Variants in BBS9 observed in about 807,000 individuals in gnomAD.
BBS9 encodes protein PTHB1.
In BBS9, 89 loss-of-function variants were observed where a neutral mutation model predicts 117.7. The ratio of observed to expected loss-of-function variants is 0.76; its 90% confidence interval spans 0.64 to 0.90. BBS9 has a LOEUF of 0.90. Among genes scored for constraint, BBS9 ranks in the 40% least tolerant of loss-of-function variants. BBS9 has a pLI of 0.00. For synonymous variants in BBS9, 379 were observed against 370.9 expected, an observed-to-expected ratio of 1.02 and a Z score of -0.25; for missense variants, 982 against 1,042.2, an observed-to-expected ratio of 0.94 and a Z score of 0.80.
chr7:33,290,748 T>C (rs183899000), intron 9 of BBS9, among the ~76,000 whole-genome samples: 9 of 152,212 alleles, frequency 5.9e-5, no homozygotes, highest in Non-Finnish European at 1.0e-4. Context: ...GTATAGAAAT[T>C]TTTTTATGAC....
Position 33,254,512 on chromosome 7 carries a change from C to A in BBS9, c.443-2724C>A. On this transcript the variant is annotated intron_variant, in intron 5 of 22. Transcript: ENST00000242067. The stretch of plus-strand genomic sequence containing the variant: ...ATGGATCACTTCTCATAATTATCTT[C>A]TTTTTTGTGATGAGAACAAAGATCT... Among the ~76,000 whole-genome samples, 2 of 152,112 alleles carry A rather than the reference C, an allele frequency of 1.3e-5. 1 individual carries two copies.
intron 21 of BBS9, among the ~76,000 whole-genome samples, chr7:33,582,621 G>A (rs553482825): frequency 6.6e-6 from 1 of 152,038 alleles, no homozygotes; most frequent in East Asian, 1.9e-4. Flanking sequence ...TTGCCCTTCA[G>A]GTTCTATTTC....
chr7:33,593,352 G>A (rs559821336), intron 21 of BBS9, among the ~76,000 whole-genome samples: 8 of 152,112 alleles, frequency 5.3e-5, no homozygotes, highest in Non-Finnish European at 1.2e-4. Context: ...TTGTTAACAT[G>A]TGTAAAAACC....
rs1448596248 is a variant in BBS9 at position 33,257,499 on chromosome 7, CA to C, written c.617+92del. 6.0e-6 allele frequency: 6 copies of C among 996,288 alleles called. No homozygotes were observed. In the African/African-American group the frequency reaches 1.0e-4, roughly 17 times the overall value. 61.7% of individuals were successfully genotyped at this position (996,288 alleles called of 1,614,324 possible). A position where few individuals can be genotyped will look rare whatever the true frequency, so the allele number is the denominator to read the frequency against. On this transcript the variant is annotated intron_variant, in intron 6 of 22. Transcript: ENST00000242067. Reference sequence around the variant, plus strand: ...TTGTCCACAAAGAGCTTCAATATCACAAATGAAAAAGAGATCGGTTTCTTTG... The same window carrying C: ...TTGTCCACAAAGAGCTTCAATATCACAATGAAAAAGAGATCGGTTTCTTTG...
Position 33,357,993 on chromosome 7 carries a change from C to G in BBS9, c.1691C>G (p.Pro564Arg). 6.2e-7 allele frequency: 1 copy of G among 1,611,812 alleles called. No homozygotes were observed. The highest frequency in any genetic ancestry group is 8.5e-7 in the Non-Finnish European group (1 of 1,178,528). The change falls in exon 16 of 23, where the codon CCA becomes CGA. Residue 564 changes from proline to arginine, a missense_variant and splice_region_variant. By Grantham distance (103) the Pro-to-Arg change is moderately radical. Transcript: ENST00000242067. ...CCAGTCAGTCTTCTTAGTCTCTTCC[C>G]AGGTAAGACTGTTGAAATAACATGC... is the stretch of plus-strand genomic sequence containing the variant. ...KSPVSLLSLF[P>R]GFASQSDDDQ...
intron 21 of BBS9, among the ~76,000 whole-genome samples, chr7:33,567,513 C>A (rs1417111828): frequency 1.3e-5 from 2 of 152,132 alleles, no homozygotes; most frequent in African/African-American, 4.8e-5. Context: ...TTGGCTGCTC[C>A]TTCTCAGCCT....
chr7:33,402,215 A>G (rs116288023), intron 19 of BBS9, among the ~76,000 whole-genome samples: 298 of 152,318 alleles, frequency 2.0e-3, no homozygotes, highest in African/African-American at 7.0e-3. Flanking sequence ...CCTGTTGCCT[A>G]TTAGATTACA....
intron 9 of BBS9, among the ~76,000 whole-genome samples, chr7:33,311,661 A>T (rs938984709): frequency 6.6e-6 from 1 of 152,160 alleles, no homozygotes; most frequent in Non-Finnish European, 1.5e-5. Context: ...TACTGAAAAT[A>T]CAAAGATTAG....
At chr7:33,418,740 T>TTA (rs1195967661) in intron 19 of BBS9, among the ~76,000 whole-genome samples, 7 of 152,142 alleles carry the variant, frequency 4.6e-5, no homozygotes, top group African/African-American at 1.7e-4. Flanking sequence ...GGAGAAGCCT[T>TTA]TCCCAGTCTA....
At chr7:33,456,585 A>G (rs947893063) in intron 19 of BBS9, among the ~76,000 whole-genome samples, 3 of 152,100 alleles carry the variant, frequency 2.0e-5, no homozygotes, top group Non-Finnish European at 2.9e-5. Flanking sequence ...ACCTGAATTT[A>G]AACGAGGACT....
intron 5 of BBS9, among the ~76,000 whole-genome samples, chr7:33,230,231 T>C (rs1288777497): frequency 3.3e-5 from 5 of 152,194 alleles, no homozygotes; most frequent in South Asian, 2.1e-4. Context: ...TTTCCTTTGC[T>C]GTATAGAAGC....
At chr7:33,616,130 G>A (rs1257372792) in intron 21 of BBS9, among the ~76,000 whole-genome samples, 1 of 151,812 alleles carries the variant, frequency 6.6e-6, no homozygotes, top group Non-Finnish European at 1.5e-5. Context: ...GAAAGAGTAA[G>A]TGAAAGTAAA....
intron 20 of BBS9, among the ~76,000 whole-genome samples, chr7:33,518,296 G>A (rs1183152403): frequency 7.0e-6 from 1 of 143,306 alleles, no homozygotes; most frequent in Non-Finnish European, 1.5e-5. Flanking sequence ...CTGTCGCCAG[G>A]CTGGAGTGCA....
intron 21 of BBS9, among the ~76,000 whole-genome samples, chr7:33,611,648 T>C (rs1174062625): frequency 4.7e-5 from 5 of 106,600 alleles, no homozygotes; most frequent in Admixed American, 3.6e-4. Flanking sequence ...ATATAAGGTA[T>C]ATTATATATT....
At chr7:33,155,338 G>T (rs1352267973) in intron 3 of BBS9, among the ~76,000 whole-genome samples, 6 of 152,086 alleles carry the variant, frequency 3.9e-5, no homozygotes, top group Admixed American at 3.3e-4. Context: ...ACTAGAACTT[G>T]GATTTCTTTA....
At chr7:33,463,117 T>C (rs1269568873) in intron 19 of BBS9, among the ~76,000 whole-genome samples, 2 of 152,068 alleles carry the variant, frequency 1.3e-5, no homozygotes, top group Non-Finnish European at 2.9e-5. Flanking sequence ...CAAGACTTTT[T>C]AAAGGGAGTG....
At chr7:33,347,216 A>G (rs990532998) in intron 12 of BBS9, among the ~76,000 whole-genome samples, 4 of 152,190 alleles carry the variant, frequency 2.6e-5, no homozygotes, top group African/African-American at 7.2e-5. Context: ...ATTTGTTAGC[A>G]TGGTTCCATG....
At chr7:33,610,650 G>C (rs77679055), downstream of BBS9, among the ~76,000 whole-genome samples, 1,681 of 152,184 alleles carry the variant, frequency 0.011, 30 homozygotes, top group East Asian at 0.088. Flanking sequence ...TCTAAATACT[G>C]TTTCGACACG....
intron 6 of BBS9, among the ~76,000 whole-genome samples, chr7:33,259,471 A>C (rs895208080): frequency 6.6e-6 from 1 of 152,146 alleles, no homozygotes; most frequent in Non-Finnish European, 1.5e-5. Flanking sequence ...ACTCCAGATC[A>C]ATCTAATTCA....
Sources: gnomAD v4.1 joint callset for allele counts (sites outside exome capture counted in the v4.1 genomes callset) on GRCh38, gnomAD v4.1.1 for gene constraint, MANE v1.5 for transcripts, NCBI Gene and HGNC (gene_info 2026-07-23, HGNC 2026-07-21) for gene names.